Variants in RCAN2 observed in about 807,000 individuals in gnomAD.
The protein encoded by RCAN2 is calcipressin-2.
RCAN2 carries 9 observed loss-of-function variants against 23.6 expected under a neutral mutation model. The observed-to-expected ratio is 0.38, with a 90% CI of 0.23 to 0.67. The LOEUF (loss-of-function observed/expected upper bound fraction) is 0.67, where lower values mean the gene tolerates loss of function less well. Among genes scored for constraint, RCAN2 ranks in the 30% least tolerant of loss-of-function variants. The pLI is 0.51. For missense variants in RCAN2, 273 were observed against 302.3 expected (o/e 0.90, Z 0.72); for synonymous variants, 109 against 115.7 (o/e 0.94, Z 0.37).
intron 2 of RCAN2, among the ~76,000 whole-genome samples, chr6:46,402,997 C>T (rs1766300778): frequency 6.6e-6 from 1 of 151,246 alleles, no homozygotes; most frequent in South Asian, 2.1e-4. Flanking sequence ...CGGAGTCTCG[C>T]TCTGTTACCC....
chr6:46,459,707 C>A (rs929055615), intron 1 of RCAN2, among the ~76,000 whole-genome samples: 2 of 152,182 alleles, frequency 1.3e-5, no homozygotes, highest in South Asian at 2.1e-4. Flanking sequence ...CTCAGTTTAT[C>A]CTTGTAAAAC....
chr6:46,382,223 G>A (rs779351142), intron 2 of RCAN2, among the ~76,000 whole-genome samples: 2 of 152,082 alleles, frequency 1.3e-5, no homozygotes, highest in African/African-American at 4.8e-5. Flanking sequence ...TATACAATGG[G>A]AATACTAATA....
chr6:46,481,721 T>C (rs1325168787), intron 1 of RCAN2, among the ~76,000 whole-genome samples: 1 of 152,078 alleles, frequency 6.6e-6, no homozygotes, highest in South Asian at 2.1e-4. Context: ...ATTATTACTA[T>C]TGGCCTCCTG....
intron 4 of RCAN2, among the ~76,000 whole-genome samples, chr6:46,224,151 A>G (rs1408974682): frequency 6.6e-6 from 1 of 152,106 alleles, no homozygotes; most frequent in African/African-American, 2.4e-5. Context: ...TTCCTAGTGG[A>G]CTGGCAGCTG....
At chr6:46,455,904 A>T (rs1440164953) in intron 2 of RCAN2, among the ~76,000 whole-genome samples, 1 of 151,506 alleles carries the variant, frequency 6.6e-6, no homozygotes, top group Admixed American at 6.6e-5. Context: ...AAGAAAAAAA[A>T]AAGGCCCTTT....
intron 2 of RCAN2, among the ~76,000 whole-genome samples, chr6:46,351,179 T>C (rs192896240): frequency 9.2e-5 from 14 of 152,356 alleles, no homozygotes; most frequent in Admixed American, 9.1e-4. Context: ...AGGCCAGGAT[T>C]TCAACCCAGC....
At chr6:46,475,010 G>A (rs1408522620) in intron 1 of RCAN2, among the ~76,000 whole-genome samples, 19 of 152,170 alleles carry the variant, frequency 1.2e-4, no homozygotes, top group Admixed American at 1.2e-3. Flanking sequence ...CCAAATATTT[G>A]TTGAAGTATT....
intron 2 of RCAN2, among the ~76,000 whole-genome samples, chr6:46,305,290 C>T (rs1341592928): frequency 6.6e-6 from 1 of 152,058 alleles, no homozygotes; most frequent in Non-Finnish European, 1.5e-5. Context: ...CATTTTCTTA[C>T]CCTGGACAGG....
At chr6:46,383,185 G>A (rs1765656649) in intron 2 of RCAN2, among the ~76,000 whole-genome samples, 1 of 151,412 alleles carries the variant, frequency 6.6e-6, no homozygotes, top group South Asian at 2.1e-4. Flanking sequence ...GTGTGTGTGT[G>A]TGTGTGTGTG....
chr6:46,223,313 G>A lies in RCAN2; in HGVS notation c.572-12C>T, dbSNP rs1340237824. 6.2e-7 allele frequency: 1 copy of A among 1,609,344 alleles called. No individual in the cohort carries two copies. Among genetic ancestry groups the A allele is most frequent in the Non-Finnish European group, 8.5e-7 (1 of 1,177,510 alleles). ...CTCATACTTCTCTCCTGAAAAGCAA[G>A]AAAAATGGAAGTGAGAAAGAGGGGG... On this transcript the variant is annotated splice_polypyrimidine_tract_variant and intron_variant, in intron 4 of 4. Transcript: ENST00000371374.
intron 2 of RCAN2, among the ~76,000 whole-genome samples, chr6:46,431,203 A>T (rs55986333): frequency 0.016 from 2,227 of 135,600 alleles, 51 homozygotes; most frequent in African/African-American, 0.062. Flanking sequence ...TTGTATTTTT[A>T]AAAAAAAAAA....
chr6:46,484,144 C>T (rs188182022), intron 1 of RCAN2, among the ~76,000 whole-genome samples: 1 of 152,104 alleles, frequency 6.6e-6, no homozygotes, highest in Admixed American at 6.5e-5. Context: ...GACTTTCAGA[C>T]AAATTTATGG....
intron 1 of RCAN2, among the ~76,000 whole-genome samples, chr6:46,460,831 AC>A (rs1300630752): frequency 1.3e-5 from 2 of 152,244 alleles, no homozygotes; most frequent in Non-Finnish European, 2.9e-5. Context: ...ATAATGTCCA[AC>A]TTAAAATGTA....
Position 46,278,881 on chromosome 6 carries a change from T to G in RCAN2, c.226-29985A>C, listed in dbSNP as rs565633379. Among the ~76,000 whole-genome samples, 133 of 152,344 alleles carry G rather than the reference T, an allele frequency of 8.7e-4. 2 individuals carry two copies. Among genetic ancestry groups the G allele is most frequent in the Non-Finnish European group, 1.5e-3 (105 of 68,032 alleles). Reference sequence around the variant, plus strand: ...CTTATCAACTCATCCCTAAAGCTGCTGTTTCATCCAAATTCTACTCCTTAA... The same window carrying G: ...CTTATCAACTCATCCCTAAAGCTGCGGTTTCATCCAAATTCTACTCCTTAA... On this transcript the variant is annotated intron_variant, in intron 2 of 4. Coordinates refer to ENST00000371374, the MANE Select transcript of RCAN2 (RefSeq NM_001251974.2).
intron 2 of RCAN2, among the ~76,000 whole-genome samples, chr6:46,270,494 C>T (rs1186838675): frequency 6.6e-6 from 1 of 152,162 alleles, no homozygotes; most frequent in Admixed American, 6.5e-5. Flanking sequence ...TCTCGTCAAC[C>T]AGTGATGTGT....
At chr6:46,460,654 G>A (rs1768179242) in intron 1 of RCAN2, among the ~76,000 whole-genome samples, 1 of 152,144 alleles carries the variant, frequency 6.6e-6, no homozygotes, top group African/African-American at 2.4e-5. Flanking sequence ...TACTTTACTA[G>A]TCTGTATCTC....
At chr6:46,376,867 G>A (rs1468487080) in intron 2 of RCAN2, among the ~76,000 whole-genome samples, 7 of 120,220 alleles carry the variant, frequency 5.8e-5, no homozygotes, top group African/African-American at 1.5e-4. Context: ...CCCCCGCCCC[G>A]CACCCCCTCC....
At chr6:46,428,675 G>A (rs778501331) in intron 2 of RCAN2, among the ~76,000 whole-genome samples, 2 of 152,152 alleles carry the variant, frequency 1.3e-5, no homozygotes, top group Non-Finnish European at 2.9e-5. Context: ...TTCCAACCAT[G>A]AAGCTCACCT....
intron 2 of RCAN2, among the ~76,000 whole-genome samples, chr6:46,318,795 T>G (rs1763523692): frequency 6.6e-6 from 1 of 152,180 alleles, no homozygotes; most frequent in Non-Finnish European, 1.5e-5. Flanking sequence ...TATACATATA[T>G]GTACACACAT....
Sources: allele counts gnomAD v4.1 joint callset (sites outside exome capture counted in the v4.1 genomes callset), GRCh38; gene constraint gnomAD v4.1.1; transcripts MANE v1.5; gene names NCBI Gene and HGNC (gene_info 2026-07-23, HGNC 2026-07-21).